Variants in SDK1 observed in about 807,000 individuals in gnomAD.
The protein encoded by SDK1 is sidekick cell adhesion molecule 1, also known as protein sidekick-1.
Under a neutral mutation model 245.5 loss-of-function variants are expected in SDK1, and 157 were observed. That is an observed-to-expected ratio of 0.64 (90% CI 0.56 to 0.73). The LOEUF is 0.73. SDK1 is among the 30% of genes least tolerant of loss of function. The pLI, the probability that SDK1 is intolerant of heterozygous loss-of-function variation, is 0.00. For missense variants in SDK1, 3,583 were observed against 3,002.3 expected, an observed-to-expected ratio of 1.19 and a Z score of -4.52; for synonymous variants, 1,647 against 1,278.5, an observed-to-expected ratio of 1.29 and a Z score of -6.15.
chr7:3,312,432 G>T (rs1051277842), intron 1 of SDK1, among the ~76,000 whole-genome samples: 5 of 152,040 alleles, frequency 3.3e-5, no homozygotes, highest in African/African-American at 9.7e-5. Context: ...TAGGATATAT[G>T]AAAGAGATTA....
chr7:3,348,267 C>G (rs1419265716), intron 1 of SDK1, among the ~76,000 whole-genome samples: 1 of 152,182 alleles, frequency 6.6e-6, no homozygotes, highest in Non-Finnish European at 1.5e-5. Flanking sequence ...TCTGACTCAG[C>G]TTTTTCCACT....
At chr7:3,352,431 G>A (rs1447889601) in intron 1 of SDK1, among the ~76,000 whole-genome samples, 3 of 152,096 alleles carry the variant, frequency 2.0e-5, no homozygotes, top group African/African-American at 7.2e-5. Flanking sequence ...GGTGTGCCAC[G>A]ACGAGAGATC....
intron 4 of SDK1, among the ~76,000 whole-genome samples, chr7:3,732,107 A>T (rs1424493421): frequency 6.6e-6 from 1 of 152,178 alleles, no homozygotes; most frequent in African/African-American, 2.4e-5. Flanking sequence ...TATTTTTAAG[A>T]TGGAAGGGTG....
chr7:4,211,613 G>A (rs1784515897), intron 38 of SDK1, among the ~76,000 whole-genome samples: 2 of 152,014 alleles, frequency 1.3e-5, no homozygotes, highest in South Asian at 4.2e-4. Context: ...TCTTGTTTTT[G>A]TTTCTGTTTT....
chr7:3,523,662 T>A (rs186699336), intron 1 of SDK1, among the ~76,000 whole-genome samples: 38 of 152,182 alleles, frequency 2.5e-4, no homozygotes, highest in Non-Finnish European at 4.6e-4. Context: ...CCAGAATGAG[T>A]GCAGGATGGG....
At chr7:3,441,112 A>T (rs1305973842) in intron 1 of SDK1, among the ~76,000 whole-genome samples, 1 of 152,230 alleles carries the variant, frequency 6.6e-6, no homozygotes, top group African/African-American at 2.4e-5. Flanking sequence ...AAGAAAGGTG[A>T]GTATAGTACA....
intron 4 of SDK1, among the ~76,000 whole-genome samples, chr7:3,768,220 C>G (rs917955784): frequency 6.6e-6 from 1 of 152,154 alleles, no homozygotes; most frequent in Admixed American, 6.5e-5. Context: ...TAGACTGCAA[C>G]CATACTTCTC....
chr7:4,076,895 C>G (rs1022384904), intron 20 of SDK1, 103 bp from the exon 21 acceptor site: 1 of 1,023,938 alleles, frequency 9.8e-7, no homozygotes, highest in East Asian at 2.6e-5. Context: ...CACATCCAGC[C>G]AAGCTCTCCA....
chr7:4,059,412 A>G (rs1483787250), intron 19 of SDK1, among the ~76,000 whole-genome samples: 5 of 152,276 alleles, frequency 3.3e-5, no homozygotes, highest in Non-Finnish European at 7.3e-5. Flanking sequence ...CTAAACATAT[A>G]TAGACCAAAC....
intron 35 of SDK1, among the ~76,000 whole-genome samples, chr7:4,190,245 T>C (rs1023425637): frequency 2.6e-5 from 4 of 152,172 alleles, no homozygotes; most frequent in African/African-American, 9.6e-5. Context: ...GATAATGACA[T>C]TGTGCAAACC....
At chr7:4,143,988 G>A (rs746268529) in intron 28 of SDK1, among the ~76,000 whole-genome samples, 8 of 152,322 alleles carry the variant, frequency 5.3e-5, no homozygotes, top group Middle Eastern at 3.4e-3. Context: ...GGGCGGCCAG[G>A]AGCCCCGAAG....
chr7:3,604,480 C>T (rs1240010364), intron 1 of SDK1, among the ~76,000 whole-genome samples: 1 of 152,084 alleles, frequency 6.6e-6, no homozygotes, highest in Non-Finnish European at 1.5e-5. Context: ...ATTTTCCTCT[C>T]AACACTTCTT....
intron 4 of SDK1, among the ~76,000 whole-genome samples, chr7:3,644,173 A>G (rs1322747475): frequency 6.6e-6 from 1 of 150,722 alleles, no homozygotes; most frequent in Non-Finnish European, 1.5e-5. Flanking sequence ...AAGTGCTGGG[A>G]TTACAGGCAT....
chr7:3,520,094 C>T (rs141766669), intron 1 of SDK1, among the ~76,000 whole-genome samples: 114 of 152,156 alleles, frequency 7.5e-4, no homozygotes, highest in African/African-American at 2.7e-3. Flanking sequence ...CTGTTTTTGC[C>T]ATTGTGTCAG....
intron 1 of SDK1, among the ~76,000 whole-genome samples, chr7:3,556,559 C>T (rs942674210): frequency 6.6e-6 from 1 of 152,038 alleles, no homozygotes; most frequent in African/African-American, 2.4e-5. Flanking sequence ...GTGGCTCACA[C>T]CTTGTAATCC....
At chr7:4,255,431 G>A (rs1451150685) in intron 44 of SDK1, among the ~76,000 whole-genome samples, 1 of 152,202 alleles carries the variant, frequency 6.6e-6, no homozygotes, top group Non-Finnish European at 1.5e-5. Flanking sequence ...CACAAGTGGG[G>A]CACTGGGTTG....
chr7:3,688,770 G>C (rs1454497453), intron 4 of SDK1, among the ~76,000 whole-genome samples: 1 of 152,200 alleles, frequency 6.6e-6, no homozygotes, highest in East Asian at 1.9e-4. Flanking sequence ...GAAAGCACAG[G>C]CTGAGGAGTC....
At chr7:3,655,019 C>G (rs191282577) in intron 4 of SDK1, among the ~76,000 whole-genome samples, 1 of 149,428 alleles carries the variant, frequency 6.7e-6, no homozygotes, top group African/African-American at 2.5e-5. Flanking sequence ...AGTTGCCAGG[C>G]CTGGAATGTG....
intron 4 of SDK1, among the ~76,000 whole-genome samples, chr7:3,694,940 A>C (rs537403259): frequency 6.6e-6 from 1 of 152,168 alleles, no homozygotes; most frequent in Non-Finnish European, 1.5e-5. Flanking sequence ...TGTTCTGTAG[A>C]ATTTCTTCAA....
Sources: gnomAD v4.1 joint callset for allele counts (sites outside exome capture counted in the v4.1 genomes callset) on GRCh38, gnomAD v4.1.1 for gene constraint, MANE v1.5 for transcripts, NCBI Gene and HGNC (gene_info 2026-07-23, HGNC 2026-07-21) for gene names.